Variants in RFC3 observed in about 807,000 individuals in gnomAD.
RFC3 encodes the protein replication factor C subunit 3, also known as A1 38 kDa subunit.
A neutral mutation model predicts 45.1 loss-of-function variants in RFC3; 41 were observed. The ratio of observed to expected loss-of-function variants is 0.91; its 90% CI spans 0.71 to 1.18. The LOEUF is 1.18. Ranked by LOEUF, RFC3 falls within the 50% of genes most tolerant of loss-of-function variation. The pLI is 0.00. For synonymous variants in RFC3, 149 were observed against 144.0 expected, an observed-to-expected ratio of 1.03 and a Z score of -0.25; for missense variants, 423 against 428.1, an observed-to-expected ratio of 0.99 and a Z score of 0.10.
intron 8 of RFC3, among the ~76,000 whole-genome samples, chr13:33,867,144 T>C (rs1367603108): frequency 1.3e-5 from 2 of 152,218 alleles, no homozygotes; most frequent in Non-Finnish European, 2.9e-5. Context: ...TCCCCATCAC[T>C]AGAAGCAGTT....
At chr13:33,871,999 G>A (rs888617550) in intron 8 of RFC3, among the ~76,000 whole-genome samples, 3 of 152,136 alleles carry the variant, frequency 2.0e-5, no homozygotes, top group African/African-American at 4.8e-5. Flanking sequence ...AAGTCCTTTG[G>A]TTCTTAATCA....
At chr13:33,951,264 G>A (rs9598368) in intron 8 of RFC3, among the ~76,000 whole-genome samples, 67 of 144,860 alleles carry the variant, frequency 4.6e-4, no homozygotes, top group Middle Eastern at 3.5e-3. Context: ...ACAGAGTCTC[G>A]CTCTGTTGCC....
rs55892878 is a variant in RFC3 at position 33,958,862 on chromosome 13, G to A, written c.880-7225G>A. Among the ~76,000 whole-genome samples the A allele has an allele frequency of 2.9e-3, 439 of 152,266 alleles. 1 individual carries two copies. Among genetic ancestry groups the A allele is most frequent in the African/African-American group, 0.01 (433 of 41,542 alleles). ...ACTTCCCATTTGCCTCCATGATCTA[G>A]GACATGCCTGGTATTGCAGAGGGCC... is the stretch of plus-strand genomic sequence containing the variant. On this transcript the variant is annotated intron_variant, in intron 8 of 8. Transcript: ENST00000434425.
chr13:33,828,677 C>T (rs1013009670), intron 4 of RFC3, among the ~76,000 whole-genome samples: 2 of 152,186 alleles, frequency 1.3e-5, no homozygotes, highest in African/African-American at 4.8e-5. Context: ...CAGGCACACA[C>T]CACCATGCCC....
chr13:33,830,511 T>C (rs187584284), intron 5 of RFC3, among the ~76,000 whole-genome samples: 94 of 152,332 alleles, frequency 6.2e-4, no homozygotes, highest in Middle Eastern at 6.8e-3. Flanking sequence ...TCTTTCCAGC[T>C]TTTAATAGAT....
rs903412540 is a variant in RFC3, at chr13:33,898,107, C to A, written c.879+62890C>A. 2.0e-5 allele frequency among the ~76,000 whole-genome samples: 3 copies of A among 151,914 alleles called. No homozygotes were observed. The East Asian group carries it at 5.8e-4, about 29-fold the overall frequency. ...TAATGGGCAGATCATTCAGACAAAA[C>A]GTTTTTAAAAACTCAACCATCAGAG... On this transcript the variant is annotated intron_variant, in intron 8 of 8. Coordinates refer to the RFC3 transcript ENST00000434425.
In RFC3 at chr13:33,911,797, G is replaced by C. The variant is rs1053245375; in HGVS notation, c.880-54290G>C. On this transcript the variant is annotated intron_variant, in intron 8 of 8. Coordinates refer to the RFC3 transcript ENST00000434425. ...GAACAACACTAAGCCATTCATGAAG[G>C]ATCTGCTTCCATGACCCAAATACCT... Among the ~76,000 whole-genome samples the C allele has an allele frequency of 2.6e-5, 4 of 152,020 alleles. No individual in the cohort carries two copies. In the East Asian group the frequency reaches 7.8e-4, roughly 29 times the overall value.
chr13:33,859,204 C>G (rs536045130), intron 8 of RFC3, among the ~76,000 whole-genome samples: 1 of 152,126 alleles, frequency 6.6e-6, no homozygotes, highest in Admixed American at 6.6e-5. Flanking sequence ...TTATAAAACT[C>G]GGAAGCTGAG....
chr13:33,886,931 A>G (rs1470742179), intron 8 of RFC3, among the ~76,000 whole-genome samples: 1 of 149,056 alleles, frequency 6.7e-6, no homozygotes, highest in African/African-American at 2.5e-5. Context: ...GATGATTTCC[A>G]ATTTCATCCA....
chr13:33,927,966 A>G (rs1164566999), intron 8 of RFC3, among the ~76,000 whole-genome samples: 1 of 152,126 alleles, frequency 6.6e-6, no homozygotes, highest in East Asian at 1.9e-4. Context: ...CATAACATCT[A>G]CCATGGGCAA....
At chr13:33,891,429 C>A (rs548815754) in intron 8 of RFC3, among the ~76,000 whole-genome samples, 251 of 152,244 alleles carry the variant, frequency 1.6e-3, no homozygotes, top group Non-Finnish European at 3.1e-3. Context: ...AGACAAGTAA[C>A]CTTCACATGG....
At chr13:33,823,190 A>G (rs1042946340) in intron 2 of RFC3, among the ~76,000 whole-genome samples, 1 of 152,032 alleles carries the variant, frequency 6.6e-6, no homozygotes, top group African/African-American at 2.4e-5. Context: ...GGAAAAGTGA[A>G]TTGTTAAACT....
intron 8 of RFC3, among the ~76,000 whole-genome samples, chr13:33,931,839 TTCA>T (rs2082854671): frequency 6.6e-6 from 1 of 152,116 alleles, no homozygotes; most frequent in Non-Finnish European, 1.5e-5. Context: ...TTTTAACACC[TTCA>T]TTATAAAGTC....
At chr13:33,921,260 T>C (rs1273145857) in intron 8 of RFC3, among the ~76,000 whole-genome samples, 1 of 152,176 alleles carries the variant, frequency 6.6e-6, no homozygotes, top group African/African-American at 2.4e-5. Flanking sequence ...GGCTAAGTGC[T>C]GTCAGCAGTG....
intron 8 of RFC3, among the ~76,000 whole-genome samples, chr13:33,891,951 T>A (rs1431314303): frequency 6.6e-6 from 1 of 151,948 alleles, no homozygotes; most frequent in Non-Finnish European, 1.5e-5. Context: ...GCACAGAAGT[T>A]AAATATAGCA....
At chr13:33,905,106 A>T (rs927662365) in intron 8 of RFC3, among the ~76,000 whole-genome samples, 2 of 151,972 alleles carry the variant, frequency 1.3e-5, no homozygotes, top group Non-Finnish European at 2.9e-5. Flanking sequence ...ATACGAGTGC[A>T]TGTTATTTGT....
At chr13:33,890,552 C>A (rs1442177223) in intron 8 of RFC3, among the ~76,000 whole-genome samples, 1 of 152,040 alleles carries the variant, frequency 6.6e-6, no homozygotes, top group Non-Finnish European at 1.5e-5. Flanking sequence ...AAATAATTGC[C>A]CTAAAATGGT....
At chr13:33,873,115 A>G (rs2082423138) in intron 8 of RFC3, among the ~76,000 whole-genome samples, 1 of 152,130 alleles carries the variant, frequency 6.6e-6, no homozygotes, top group Admixed American at 6.5e-5. Context: ...AATTTATCCT[A>G]TCAATCCAAT....
At chr13:33,863,061 G>A (rs966599953) in intron 8 of RFC3, among the ~76,000 whole-genome samples, 9 of 152,156 alleles carry the variant, frequency 5.9e-5, no homozygotes, top group African/African-American at 2.2e-4. Context: ...GAATGTGTGC[G>A]TCTGTTTTGC....
Sources: gnomAD v4.1 joint callset for allele counts (sites outside exome capture counted in the v4.1 genomes callset) on GRCh38, gnomAD v4.1.1 for gene constraint, MANE v1.5 for transcripts, NCBI Gene and HGNC (gene_info 2026-07-23, HGNC 2026-07-21) for gene names.